METTL24: variants seen among roughly 807,000 people sequenced by gnomAD.
The protein encoded by METTL24 is methyltransferase like 24, also known as probable methyltransferase-like protein 24.
Under a neutral mutation model 32.7 loss-of-function variants are expected in METTL24, and 29 were observed. The observed-to-expected ratio is 0.89, with a 90% CI of 0.66 to 1.21. The LOEUF (loss-of-function observed/expected upper bound fraction) is 1.21, where lower values mean the gene tolerates loss of function less well. METTL24 is among the 50% of genes most tolerant of loss of function. The probability of loss-of-function intolerance (pLI) is 0.00; values close to 1 mark genes in which losing one functional copy is unlikely to be tolerated. For synonymous variants in METTL24, 163 were observed against 179.5 expected (o/e 0.91, Z 0.73); for missense variants, 439 against 468.1 (o/e 0.94, Z 0.57).
Position 110,312,993 on chromosome 6 carries a change from C to T in METTL24, c.557+2349G>A, listed in dbSNP as rs1463861604. ...TTTACATTGGTTACTTGGTGCACAC[C>T]CTATGTAAATGAAGAGGATGAAGTA... On this transcript the variant is annotated intron_variant, in intron 3 of 4. Coordinates refer to ENST00000338882, the MANE Select transcript of METTL24 (RefSeq NM_001123364.3). Among the ~76,000 whole-genome samples the T allele has an allele frequency of 2.6e-5, 4 of 152,084 alleles. No individual in the cohort carries two copies. The South Asian group carries it at 8.3e-4, about 31-fold the overall frequency.
chr6:110,248,074 C>G (rs762187781), intron 4 of METTL24, among the ~76,000 whole-genome samples: 5 of 151,690 alleles, frequency 3.3e-5, no homozygotes, highest in Admixed American at 6.6e-5. Flanking sequence ...ACCTCTACCC[C>G]CCTCTCTCTT....
chr6:110,265,081 C>A (rs1363273563), intron 4 of METTL24, among the ~76,000 whole-genome samples: 1 of 149,662 alleles, frequency 6.7e-6, no homozygotes, highest in African/African-American at 2.5e-5. Flanking sequence ...TGTAACAAAC[C>A]TGCATGTTGT....
At chr6:110,280,878 C>G (rs191258943) in intron 4 of METTL24, among the ~76,000 whole-genome samples, 5 of 152,220 alleles carry the variant, frequency 3.3e-5, no homozygotes, top group African/African-American at 1.2e-4. Context: ...GTCTCAAACT[C>G]CTGAGCTCAA....
At chr6:110,287,993 G>A (rs1259845715) in intron 4 of METTL24, among the ~76,000 whole-genome samples, 3 of 152,152 alleles carry the variant, frequency 2.0e-5, no homozygotes, top group African/African-American at 7.2e-5. Flanking sequence ...AATGTGTTCC[G>A]GTACAACAGC....
intron 3 of METTL24, among the ~76,000 whole-genome samples, chr6:110,302,458 CACATATGTGTATATATACACATAT>C (rs1293371949): frequency 6.0e-5 from 6 of 99,764 alleles, no homozygotes; most frequent in African/African-American, 3.1e-4. Context: ...CACATATACA[CACATATGTGTATATATACACATAT>C]ACACACATAT....
chr6:110,280,393 G>A (rs1771117015), intron 4 of METTL24, among the ~76,000 whole-genome samples: 1 of 152,020 alleles, frequency 6.6e-6, no homozygotes, highest in Admixed American at 6.6e-5. Flanking sequence ...ATAGTCACCA[G>A]GTATTCAATC....
rs988629960 is a variant in METTL24 at position 110,351,155 on chromosome 6, C to A, written c.318+6800G>T. The stretch of plus-strand genomic sequence containing the variant: ...GGTCGAGGCTGCAGTGAGCCATGAT[C>A]GCAACACTGCACTCCAGCCTGGGCA... On this transcript the variant is annotated intron_variant, in intron 1 of 4. Coordinates refer to ENST00000338882, the MANE Select transcript of METTL24 (RefSeq NM_001123364.3). Among the ~76,000 whole-genome samples the A allele has an allele frequency of 4.6e-5, 7 of 152,204 alleles. No homozygotes were observed. In the East Asian group the frequency reaches 1.4e-3, roughly 29 times the overall value.
At chr6:110,263,607 T>C (rs1379111171) in intron 4 of METTL24, among the ~76,000 whole-genome samples, 3 of 152,124 alleles carry the variant, frequency 2.0e-5, no homozygotes, top group Admixed American at 6.6e-5. Flanking sequence ...CTTCACAGAA[T>C]TGGAAAAAAC....
rs1209882677 is a variant in METTL24, at chr6:110,253,977, A to T, written c.787-7717T>A. 2.2e-6 allele frequency: 3 copies of T among 1,348,472 alleles called. No individual in the cohort carries two copies. The South Asian group carries it at 6.7e-5, about 30-fold the overall frequency. The allele number at this position is 1,348,472 out of a possible 1,614,324, so 83.5% of individuals were successfully genotyped here. A position where few individuals can be genotyped will look rare whatever the true frequency, so the allele number is the denominator to read the frequency against. ...CAAGTGGGTGAAGGTCCAGACCTCAACTCAAGAGCAGCTCCCCTTTGATCT... is the reference window on the plus strand; with the variant it reads ...CAAGTGGGTGAAGGTCCAGACCTCATCTCAAGAGCAGCTCCCCTTTGATCT... On this transcript the variant is annotated intron_variant, in intron 4 of 4. Coordinates refer to ENST00000338882, the MANE Select transcript of METTL24 (RefSeq NM_001123364.3).
intron 4 of METTL24, among the ~76,000 whole-genome samples, chr6:110,254,635 A>T (rs990930740): frequency 2.0e-5 from 3 of 152,222 alleles, no homozygotes; most frequent in African/African-American, 7.2e-5. Flanking sequence ...ATCTCAAAAG[A>T]AATAAAATAA....
intron 4 of METTL24, among the ~76,000 whole-genome samples, chr6:110,281,982 T>C (rs1043326607): frequency 6.6e-6 from 1 of 152,126 alleles, no homozygotes; most frequent in Admixed American, 6.5e-5. Context: ...TAAGCCTGTG[T>C]GACTTTAAAT....
At chr6:110,349,803 C>A (rs1175336989) in intron 1 of METTL24, among the ~76,000 whole-genome samples, 2 of 152,172 alleles carry the variant, frequency 1.3e-5, no homozygotes, top group Non-Finnish European at 2.9e-5. Flanking sequence ...ATTGGTCTGC[C>A]AAGGTTCTTA....
At chr6:110,356,152 T>A (rs979024623) in intron 1 of METTL24, among the ~76,000 whole-genome samples, 1 of 152,114 alleles carries the variant, frequency 6.6e-6, no homozygotes, top group Non-Finnish European at 1.5e-5. Flanking sequence ...TTAAGAAACA[T>A]CACAGTGTTG....
intron 1 of METTL24, among the ~76,000 whole-genome samples, chr6:110,351,354 G>A (rs1772598867): frequency 6.6e-6 from 1 of 152,124 alleles, no homozygotes; most frequent in African/African-American, 2.4e-5. Flanking sequence ...TATTGCCAAT[G>A]CTACTTGGAA....
intron 1 of METTL24, among the ~76,000 whole-genome samples, chr6:110,336,819 G>A (rs979573364): frequency 1.1e-4 from 17 of 152,184 alleles, no homozygotes; most frequent in Non-Finnish European, 2.2e-4. Context: ...ATACACTGTC[G>A]GTGGGAGTGA....
intron 1 of METTL24, among the ~76,000 whole-genome samples, chr6:110,343,590 G>T (rs2114773435): frequency 6.6e-6 from 1 of 152,300 alleles, no homozygotes; most frequent in South Asian, 2.1e-4. Flanking sequence ...GGAAGAAAAT[G>T]ACATTTATTT....
chr6:110,286,876 T>G (rs1393773722), intron 4 of METTL24, among the ~76,000 whole-genome samples: 1 of 152,218 alleles, frequency 6.6e-6, no homozygotes, highest in Non-Finnish European at 1.5e-5. Context: ...GGATGCTTCA[T>G]GCGCTTGAAC....
intron 1 of METTL24, among the ~76,000 whole-genome samples, chr6:110,334,458 G>C (rs935443182): frequency 6.6e-6 from 1 of 152,138 alleles, no homozygotes. Flanking sequence ...GCCACACGTG[G>C]CACAGGACAT....
At chr6:110,319,713 A>G (rs1771896649) in intron 2 of METTL24, among the ~76,000 whole-genome samples, 1 of 151,730 alleles carries the variant, frequency 6.6e-6, no homozygotes, top group African/African-American at 2.4e-5. Context: ...GGTCTTTCAC[A>G]TTGAAAAAAA....
Sources: allele counts gnomAD v4.1 joint callset (sites outside exome capture counted in the v4.1 genomes callset), GRCh38; gene constraint gnomAD v4.1.1; transcripts MANE v1.5; gene names NCBI Gene and HGNC (gene_info 2026-07-23, HGNC 2026-07-21).